The following TAF1 variants were observed in gnomAD, a reference collection of about 807,000 sequenced individuals.
TAF1 encodes the protein TATA-box binding protein associated factor 1, also known as transcription initiation factor TFIID subunit 1.
Under a neutral mutation model 138.5 loss-of-function variants are expected in TAF1, and 2 were observed. The observed-to-expected ratio is 0.01, with a 90% CI of 0.01 to 0.05. The LOEUF (loss-of-function observed/expected upper bound fraction) is 0.05, where lower values mean the gene tolerates loss of function less well. Ranked by LOEUF, TAF1 falls within the 10% of genes least tolerant of loss-of-function variation. The pLI is 1.00. For synonymous variants in TAF1, 437 were observed against 503.2 expected (o/e 0.87, Z 1.76); for missense variants, 709 against 1,478.0 (o/e 0.48, Z 8.53).
In TAF1 at chrX:71,388,823, G is replaced by A. The variant is rs1341294591; in HGVS notation, c.2655G>A (p.Gln885=). ...EEIRAMVSPE[Q]CCAYYSMIAA... is the part of the protein sequence containing the mutation. ...TCAGAGCTATGGTGTCACCAGAGCA[G>A]TGCTGTGCTTATTATAGCATGATAG... Residue 885 remains glutamine (Q), a synonymous_variant, in exon 17 of 38, where the codon CAG becomes CAA. Coordinates refer to ENST00000423759, the MANE Select transcript of TAF1 (RefSeq NM_004606.5). The A allele has an allele frequency of 8.3e-7, 1 of 1,211,468 alleles. No homozygotes were observed. Among genetic ancestry groups the A allele is most frequent in the Admixed American group, 2.2e-5 (1 of 45,989 alleles).
intron 25 of TAF1, among the ~76,000 whole-genome samples, chrX:71,404,207 CG>C (rs2035332792): frequency 2.7e-5 from 3 of 110,797 alleles, no homozygotes; most frequent in Admixed American, 1.9e-4. Flanking sequence ...CTTCTGACCT[CG>C]TGATCCACCT....
intron 32 of TAF1, among the ~76,000 whole-genome samples, chrX:71,453,534 C>G (rs752766733): frequency 3.3e-4 from 36 of 110,094 alleles, no homozygotes; most frequent in Non-Finnish European, 5.1e-4. Flanking sequence ...AAAATAAAAA[C>G]AACAGCCTGC....
intron 13 of TAF1, among the ~76,000 whole-genome samples, chrX:71,510,214 G>A (rs2039706220): frequency 9.0e-6 from 1 of 110,853 alleles, no homozygotes. Context: ...GGGAGAGCTG[G>A]AGAATCAGGT....
rs1266575608 is a variant in TAF1 at position 71,410,458 on chromosome X, T to C, written c.4384+2307T>C. 1.4e-3 allele frequency among the ~76,000 whole-genome samples: 125 copies of C among 92,562 alleles called. 1 individual carries two copies. In the East Asian group the frequency reaches 0.036, roughly 27 times the overall value. 80.4% of individuals were successfully genotyped at this position (92,562 alleles called of 115,157 possible). On this transcript the variant is annotated intron_variant, in intron 28 of 37. Coordinates refer to ENST00000423759, the MANE Select transcript of TAF1 (RefSeq NM_004606.5). ...CTTTAGGGGCATTTCTTTTTTCTTT[T>C]TTTTTTTTTTTTTTTTTGAGACGGA...
intron 4 of TAF1, 34 bp downstream of exon 4, chrX:71,375,320 C>T (rs2033393668): frequency 2.5e-6 from 3 of 1,196,854 alleles, no homozygotes; most frequent in South Asian, 3.7e-5. Flanking sequence ...GTCTGAGGAG[C>T]AAGTTTTCAT....
chrX:71,442,015 G>T (rs926798115), intron 32 of TAF1, among the ~76,000 whole-genome samples: 2 of 111,125 alleles, frequency 1.8e-5, no homozygotes, highest in African/African-American at 6.6e-5. Flanking sequence ...TTTTATGGCT[G>T]CATAGTATTC....
At chrX:71,394,459 G>A (rs889329945) in intron 22 of TAF1, among the ~76,000 whole-genome samples, 1 of 112,538 alleles carries the variant, frequency 8.9e-6, no homozygotes, top group Admixed American at 9.5e-5. Flanking sequence ...TCCACTAACT[G>A]CCTCTGTATC....
At chrX:71,440,529 A>G (rs767860449) in intron 32 of TAF1, among the ~76,000 whole-genome samples, 1 of 108,543 alleles carries the variant, frequency 9.2e-6, no homozygotes, top group Non-Finnish European at 1.9e-5. Flanking sequence ...TCAGATGTGG[A>G]AAAAAAATGT....
In TAF1 at chrX:71,375,258, G is replaced by A. The variant is rs1457516187; in HGVS notation, c.444G>A (p.Lys148=). The A allele has an allele frequency of 8.3e-7, 1 of 1,209,764 alleles. No individual in the cohort carries two copies. The highest frequency in any genetic ancestry group is 1.1e-6 in the Non-Finnish European group (1 of 894,968). Residue 148 remains lysine (K), a synonymous_variant, in exon 4 of 38, where the codon AAG becomes AAA. Coordinates refer to ENST00000423759, the MANE Select transcript of TAF1 (RefSeq NM_004606.5). ...CTCCACCCCCGGGACCAATGAAGAA[G>A]GATAAGGACCAGGATTCTATTACTG... ...PPPPPPGPMK[K]DKDQDSITGV... is the part of the protein sequence containing the mutation.
intron 18 of TAF1, among the ~76,000 whole-genome samples, chrX:71,389,982 C>A (rs1039635369): frequency 1.8e-5 from 2 of 110,927 alleles, no homozygotes; most frequent in Non-Finnish European, 3.8e-5. Context: ...TCTCGCGATT[C>A]TCCTGCCTCA....
At chrX:71,432,537 T>C (rs1297192073) in intron 32 of TAF1, among the ~76,000 whole-genome samples, 2 of 109,814 alleles carry the variant, frequency 1.8e-5, no homozygotes, top group Admixed American at 1.9e-4. Flanking sequence ...GGCACAGTTC[T>C]GTAATTTTTG....
At chrX:71,395,222 T>G (rs2034784118) in intron 22 of TAF1, among the ~76,000 whole-genome samples, 1 of 111,624 alleles carries the variant, frequency 9.0e-6, no homozygotes, top group Non-Finnish European at 1.9e-5. Context: ...AGTAGTGAAT[T>G]TCAAGGTCTG....
chrX:71,471,847 CTGAT>C (rs2038896201), intron 13 of TAF1, among the ~76,000 whole-genome samples: 1 of 111,518 alleles, frequency 9.0e-6, no homozygotes, highest in Non-Finnish European at 1.9e-5. Flanking sequence ...CACAATCAGT[CTGAT>C]TGGTTGTGGA....
chrX:71,408,419 C>T (rs187296875), intron 28 of TAF1, among the ~76,000 whole-genome samples: 3 of 110,746 alleles, frequency 2.7e-5, no homozygotes, highest in East Asian at 2.9e-4. Context: ...TCGGTTCAAG[C>T]GATTCTCCTG....
chrX:71,457,046 T>G (rs1421137467), intron 34 of TAF1, among the ~76,000 whole-genome samples: 1 of 112,022 alleles, frequency 8.9e-6, no homozygotes, highest in Non-Finnish European at 1.9e-5. Flanking sequence ...TATCTAAAAC[T>G]GTTGACTTTG....
intron 14 of TAF1, chrX:71,529,689 C>G (rs1391121507): frequency 3.0e-6 from 1 of 331,983 alleles, no homozygotes; most frequent in South Asian, 2.6e-5. Context: ...ATTTTGAACT[C>G]TTTACTTTGT....
intron 8 of TAF1, 142 bp downstream of exon 8, chrX:71,379,173 TG>T: frequency 1.6e-6 from 1 of 609,615 alleles, no homozygotes; most frequent in Non-Finnish European, 2.4e-6. Context: ...TGGAGTGCAA[TG>T]GTGCAGTCTC....
At chrX:71,476,536 G>C (rs1445190220) in intron 13 of TAF1, among the ~76,000 whole-genome samples, 1 of 110,074 alleles carries the variant, frequency 9.1e-6, no homozygotes, top group African/African-American at 3.3e-5. Flanking sequence ...CCAGCTACTT[G>C]AGAGGCTGAG....
At chrX:71,391,889 A>G (rs1041643237) in intron 18 of TAF1, among the ~76,000 whole-genome samples, 1 of 110,505 alleles carries the variant, frequency 9.0e-6, no homozygotes, top group Non-Finnish European at 1.9e-5. Context: ...AGCCTCCCAG[A>G]GTGTTGGGAT....
Sources: gnomAD v4.1 joint callset for allele counts (sites outside exome capture counted in the v4.1 genomes callset) on GRCh38, gnomAD v4.1.1 for gene constraint, MANE v1.5 for transcripts, NCBI Gene and HGNC (gene_info 2026-07-23, HGNC 2026-07-21) for gene names.